Variants in TENM3 observed in about 807,000 individuals in gnomAD.
The protein encoded by TENM3 is teneurin-3.
In TENM3, 63 loss-of-function variants were observed where a neutral mutation model predicts 255.1. The observed-to-expected ratio is 0.25, with a 90% CI of 0.20 to 0.30. The LOEUF is 0.30. TENM3 is among the 10% of genes least tolerant of loss of function. The probability of loss-of-function intolerance (pLI) is 1.00; values close to 1 mark genes in which losing one functional copy is unlikely to be tolerated. For synonymous variants in TENM3, 1,306 were observed against 1,322.3 expected (o/e 0.99, Z 0.27); for missense variants, 2,929 against 3,461.1 (o/e 0.85, Z 3.86).
At chr4:182,460,178 A>T (rs1046399018) in intron 3 of TENM3, among the ~76,000 whole-genome samples, 2 of 152,204 alleles carry the variant, frequency 1.3e-5, no homozygotes, top group Admixed American at 6.5e-5. Flanking sequence ...ACAATAGATC[A>T]TCATCATGAC....
At chr4:182,022,682 A>AT in the TENM3 span, among the ~76,000 whole-genome samples, 1 of 152,180 alleles carries the variant, frequency 6.6e-6, no homozygotes, top group South Asian at 2.1e-4. Context: ...TTCCCAATTT[A>AT]TTTTTTTCTT....
chr4:181,630,166 G>C, the TENM3 span, among the ~76,000 whole-genome samples: 2 of 152,196 alleles, frequency 1.3e-5, no homozygotes. Flanking sequence ...TTGTATTTCT[G>C]TGGGATCAGT....
chr4:182,491,383 A>T (rs1386066719), intron 3 of TENM3, among the ~76,000 whole-genome samples: 2 of 117,598 alleles, frequency 1.7e-5, no homozygotes, highest in Non-Finnish European at 3.8e-5. Context: ...AATTGCAGTG[A>T]AATTTATGTG....
the TENM3 span, among the ~76,000 whole-genome samples, chr4:181,954,877 C>A: frequency 6.6e-6 from 1 of 152,064 alleles, no homozygotes; most frequent in African/African-American, 2.4e-5. Context: ...GAGTTAATTT[C>A]TGTTTATAGT....
At chr4:181,653,560 C>A in the TENM3 span, among the ~76,000 whole-genome samples, 2,058 of 152,078 alleles carry the variant, frequency 0.014, 53 homozygotes, top group African/African-American at 0.048. Context: ...ACCACCACAC[C>A]CGGCTAATTT....
At chr4:182,465,539 T>C (rs750815963) in intron 3 of TENM3, among the ~76,000 whole-genome samples, 1 of 152,150 alleles carries the variant, frequency 6.6e-6, no homozygotes, top group Non-Finnish European at 1.5e-5. Flanking sequence ...CCACCCCGTT[T>C]ATGGAATTTT....
the TENM3 span, among the ~76,000 whole-genome samples, chr4:181,682,184 C>G: frequency 6.6e-6 from 1 of 152,070 alleles, no homozygotes; most frequent in South Asian, 2.1e-4. Context: ...AATAAATAGT[C>G]CAACAAAAAG....
At chr4:181,602,686 G>A in the TENM3 span, among the ~76,000 whole-genome samples, 2 of 152,112 alleles carry the variant, frequency 1.3e-5, no homozygotes, top group Non-Finnish European at 2.9e-5. Flanking sequence ...TCTTTGTATG[G>A]TACATCTAAA....
At chr4:182,664,363 G>A (rs952775892) in intron 6 of TENM3, among the ~76,000 whole-genome samples, 2 of 152,152 alleles carry the variant, frequency 1.3e-5, no homozygotes, top group South Asian at 2.1e-4. Flanking sequence ...ATAAGACAGC[G>A]AACTTAATAA....
chr4:182,467,123 G>A (rs985609955), intron 3 of TENM3, among the ~76,000 whole-genome samples: 3 of 151,904 alleles, frequency 2.0e-5, no homozygotes, highest in African/African-American at 7.3e-5. Context: ...AAAAATTCTG[G>A]AGACTGCCAT....
the TENM3 span, among the ~76,000 whole-genome samples, chr4:182,050,869 T>C: frequency 6.8e-4 from 103 of 152,254 alleles, 1 homozygote; most frequent in African/African-American, 2.3e-3. Flanking sequence ...TTGTTTAAAC[T>C]AGATGGCACA....
At chr4:182,740,008 C>A (rs1009845563) in intron 18 of TENM3, among the ~76,000 whole-genome samples, 3 of 152,188 alleles carry the variant, frequency 2.0e-5, no homozygotes, top group African/African-American at 7.2e-5. Context: ...TGCACTCCAG[C>A]CTGAGTGACA....
intron 18 of TENM3, among the ~76,000 whole-genome samples, 164 bp from the exon 19 acceptor site, chr4:182,743,006 A>G (rs1284528125): frequency 6.6e-6 from 1 of 152,238 alleles, no homozygotes; most frequent in Admixed American, 6.5e-5. Flanking sequence ...AATATTTTAC[A>G]CTAGGTAGTT....
chr4:182,461,972 C>T (rs1330922639), intron 3 of TENM3, among the ~76,000 whole-genome samples: 1 of 152,072 alleles, frequency 6.6e-6, no homozygotes, highest in Non-Finnish European at 1.5e-5. Flanking sequence ...TCTTTGTCAA[C>T]TCTTGTCAAC....
At chr4:182,777,342 C>A (rs181414544) in intron 24 of TENM3, among the ~76,000 whole-genome samples, 2 of 152,226 alleles carry the variant, frequency 1.3e-5, no homozygotes, top group East Asian at 1.9e-4. Flanking sequence ...GGAAAGCCAG[C>A]CTCACAATAT....
the TENM3 span, among the ~76,000 whole-genome samples, chr4:181,860,330 T>C: frequency 6.6e-6 from 1 of 152,352 alleles, no homozygotes; most frequent in Non-Finnish European, 1.5e-5. Context: ...CCAGTTGGCT[T>C]CTCCAGAAGA....
the TENM3 span, among the ~76,000 whole-genome samples, chr4:182,099,250 C>T: frequency 5.9e-5 from 9 of 152,030 alleles, no homozygotes; most frequent in Admixed American, 2.6e-4. Flanking sequence ...AGGCATGAGC[C>T]GCCATGCCCG....
chr4:182,701,210 C>CTTTTTTTTTTTTTTTTTTTTTT lies in TENM3; in HGVS notation c.2221+12866_2222-12849dup, dbSNP rs35538818. 1.9e-3 allele frequency among the ~76,000 whole-genome samples: 73 copies of CTTTTTTTTTTTTTTTTTTTTTT among 38,668 alleles called. 28 individuals are homozygous for CTTTTTTTTTTTTTTTTTTTTTT. Among genetic ancestry groups the CTTTTTTTTTTTTTTTTTTTTTT allele is most frequent in the African/African-American group, 3.7e-3 (31 of 8,368 alleles). 25.4% of individuals were successfully genotyped at this position (38,668 alleles called of 152,430 possible). A position where few individuals can be genotyped will look rare whatever the true frequency, so the allele number is the denominator to read the frequency against. ...TTTTCACATACAGTCCAACTCTTGA[C>CTTTTTTTTTTTTTTTTTTTTTT]TTTTTTTTTTTTTTTTTTTTTTTTT... is the stretch of plus-strand genomic sequence containing the variant. On this transcript the variant is annotated intron_variant, in intron 12 of 27. Coordinates refer to ENST00000511685, the MANE Select transcript of TENM3 (RefSeq NM_001080477.4).
At chr4:181,708,479 A>C in the TENM3 span, among the ~76,000 whole-genome samples, 1 of 152,286 alleles carries the variant, frequency 6.6e-6, no homozygotes, top group African/African-American at 2.4e-5. Context: ...ACATCAATTC[A>C]ACCTTCATGA....
Sources: gnomAD v4.1 joint callset for allele counts (sites outside exome capture counted in the v4.1 genomes callset) on GRCh38, gnomAD v4.1.1 for gene constraint, MANE v1.5 for transcripts, NCBI Gene and HGNC (gene_info 2026-07-23, HGNC 2026-07-21) for gene names.